Variants in TSPAN18 observed in about 807,000 individuals in gnomAD.
TSPAN18 encodes the protein tetraspanin 18, also known as tetraspanin-18.
TSPAN18 carries 14 observed loss-of-function variants against 27.3 expected under a neutral mutation model. The ratio of observed to expected loss-of-function variants is 0.51; its 90% CI spans 0.34 to 0.80. The LOEUF (loss-of-function observed/expected upper bound fraction) is 0.80, where lower values mean the gene tolerates loss of function less well. Ranked by LOEUF, TSPAN18 falls within the 30% of genes least tolerant of loss-of-function variation. The probability of loss-of-function intolerance (pLI) is 0.01; values close to 1 mark genes in which losing one functional copy is unlikely to be tolerated. For missense variants in TSPAN18, 268 were observed against 323.9 expected, an observed-to-expected ratio of 0.83 and a Z score of 1.32; for synonymous variants, 143 against 136.5, an observed-to-expected ratio of 1.05 and a Z score of -0.33.
At chr11:44,744,712 G>T (rs1038739663) in intron 1 of TSPAN18, among the ~76,000 whole-genome samples, 5 of 152,194 alleles carry the variant, frequency 3.3e-5, no homozygotes, top group Non-Finnish European at 5.9e-5. Flanking sequence ...CGAAGAATGG[G>T]GTCAGGAGTG....
At chr11:44,899,955 G>A (rs781186657) in intron 3 of TSPAN18, among the ~76,000 whole-genome samples, 57 of 152,184 alleles carry the variant, frequency 3.7e-4, no homozygotes, top group Non-Finnish European at 7.3e-4. Flanking sequence ...TCTAAGTGCC[G>A]CTTTTTTGAG....
intron 3 of TSPAN18, among the ~76,000 whole-genome samples, chr11:44,894,613 C>G (rs1026490839): frequency 3.3e-5 from 5 of 152,258 alleles, no homozygotes; most frequent in African/African-American, 1.2e-4. Flanking sequence ...ATAAAGCTGT[C>G]TGGCCCGGGC....
intron 1 of TSPAN18, among the ~76,000 whole-genome samples, chr11:44,760,018 A>T (rs570046156): frequency 1.3e-5 from 2 of 152,334 alleles, no homozygotes; most frequent in African/African-American, 4.8e-5. Context: ...GAAGAGAGGA[A>T]TTCCAGGAAG....
chr11:44,861,093 C>T (rs1235315888), intron 3 of TSPAN18, among the ~76,000 whole-genome samples: 6 of 152,058 alleles, frequency 3.9e-5, no homozygotes, highest in South Asian at 2.1e-4. Flanking sequence ...CTGTTAGGAC[C>T]GTATCTCACC....
chr11:44,889,090 C>A (rs1179053245), intron 3 of TSPAN18, among the ~76,000 whole-genome samples: 1 of 152,212 alleles, frequency 6.6e-6, no homozygotes, highest in African/African-American at 2.4e-5. Context: ...TTGCCTGAGG[C>A]CTCCCTAGCC....
chr11:44,832,514 A>G (rs1396719600), intron 2 of TSPAN18, among the ~76,000 whole-genome samples: 1 of 152,108 alleles, frequency 6.6e-6, no homozygotes, highest in African/African-American at 2.4e-5. Context: ...CAGCTCCCAA[A>G]GAGCTTTTCC....
intron 1 of TSPAN18, among the ~76,000 whole-genome samples, chr11:44,734,388 A>G (rs1465137076): frequency 1.3e-5 from 2 of 152,226 alleles, no homozygotes; most frequent in Admixed American, 6.5e-5. Flanking sequence ...ACACTTGTTC[A>G]TCTCTCTTAG....
intron 1 of TSPAN18, among the ~76,000 whole-genome samples, chr11:44,742,612 G>A (rs1050920584): frequency 5.9e-5 from 9 of 152,112 alleles, no homozygotes; most frequent in East Asian, 3.9e-4. Context: ...TTCACTTCTC[G>A]TGTCTCAAGC....
At chr11:44,805,206 G>A (rs73450684) in intron 2 of TSPAN18, among the ~76,000 whole-genome samples, 6,954 of 152,264 alleles carry the variant, frequency 0.046, 165 homozygotes, top group African/African-American at 0.064. Context: ...GCCTGGGTGA[G>A]TCTCCTTGGC....
intron 1 of TSPAN18, among the ~76,000 whole-genome samples, chr11:44,747,347 A>G (rs1311851993): frequency 6.6e-6 from 1 of 152,140 alleles, no homozygotes; most frequent in East Asian, 1.9e-4. Flanking sequence ...TTAATCCCAG[A>G]TATCCCTTGG....
rs1158922127 is a variant in TSPAN18 at position 44,906,439 on chromosome 11, G to C, written c.23G>C (p.Cys8Ser). The change falls in exon 4 of 10, where the codon TGC becomes TCC. Residue 8 changes from cysteine to serine, a missense_variant. Transcript: ENST00000520358. ...ACCATGGAAGGCGACTGTCTGAGCT[G>C]CATGAAGTATCTGATGTTTGTATTC... MEGDCLSCMKYLMFVFNF... is the reference protein window; with the variant it reads MEGDCLSSMKYLMFVFNF... The C allele has an allele frequency of 3.7e-6, 6 of 1,614,090 alleles. No homozygotes were observed. The highest frequency in any genetic ancestry group is 5.1e-6 in the Non-Finnish European group (6 of 1,180,026).
intron 9 of TSPAN18, among the ~76,000 whole-genome samples, chr11:44,928,723 T>C (rs1405207351): frequency 6.6e-6 from 1 of 151,992 alleles, no homozygotes; most frequent in Non-Finnish European, 1.5e-5. Context: ...GAGGCAGAGG[T>C]TGCAGTGAGC....
At chr11:44,817,178 C>T (rs1856833586) in intron 2 of TSPAN18, among the ~76,000 whole-genome samples, 1 of 152,220 alleles carries the variant, frequency 6.6e-6, no homozygotes, top group Non-Finnish European at 1.5e-5. Flanking sequence ...GCACGGTGGG[C>T]CATCCTGGGT....
intron 9 of TSPAN18, among the ~76,000 whole-genome samples, chr11:44,927,429 T>C (rs1860404578): frequency 6.6e-6 from 1 of 152,112 alleles, no homozygotes; most frequent in Non-Finnish European, 1.5e-5. Context: ...CCTCAGTCAG[T>C]CCTCGGCCTG....
At chr11:44,775,441 C>T (rs12224193) in intron 2 of TSPAN18, among the ~76,000 whole-genome samples, 8,133 of 152,278 alleles carry the variant, frequency 0.053, 1,083 homozygotes, top group East Asian at 0.5. Context: ...TAACTTGAAT[C>T]GCTCCTGTTC....
intron 2 of TSPAN18, among the ~76,000 whole-genome samples, chr11:44,854,747 C>T (rs575215520): frequency 6.4e-4 from 97 of 152,232 alleles, no homozygotes; most frequent in Middle Eastern, 3.4e-3. Flanking sequence ...TGGATCCTAC[C>T]GTTGCTGTGT....
chr11:44,844,892 G>T (rs541263228), intron 2 of TSPAN18, among the ~76,000 whole-genome samples: 8 of 152,242 alleles, frequency 5.3e-5, no homozygotes, highest in Admixed American at 4.6e-4. Flanking sequence ...CACCTTGCCT[G>T]GTGCTCATCA....
At chr11:44,848,451 C>G (rs1198245231) in intron 2 of TSPAN18, among the ~76,000 whole-genome samples, 1 of 152,236 alleles carries the variant, frequency 6.6e-6, no homozygotes, top group Non-Finnish European at 1.5e-5. Context: ...CTCTCTACTT[C>G]TTTCCCTCTC....
chr11:44,769,131 G>A (rs1356248749), intron 2 of TSPAN18, among the ~76,000 whole-genome samples: 2 of 152,076 alleles, frequency 1.3e-5, no homozygotes, highest in Admixed American at 6.6e-5. Context: ...TCCTGACCTC[G>A]TGATCCACCT....
Sources: gnomAD v4.1 joint callset for allele counts (sites outside exome capture counted in the v4.1 genomes callset) on GRCh38, gnomAD v4.1.1 for gene constraint, MANE v1.5 for transcripts, NCBI Gene and HGNC (gene_info 2026-07-23, HGNC 2026-07-21) for gene names.